KIF1B: variants seen among roughly 807,000 people sequenced by gnomAD.
The protein encoded by KIF1B is kinesin family member 1B.
A neutral mutation model predicts 241.9 loss-of-function variants in KIF1B; 76 were observed. The ratio of observed to expected loss-of-function variants is 0.31; its 90% CI spans 0.26 to 0.38. KIF1B has a LOEUF of 0.38. KIF1B is among the 10% of genes least tolerant of loss of function. The pLI, the probability that KIF1B is intolerant of heterozygous loss-of-function variation, is 1.00. For synonymous variants in KIF1B, 750 were observed against 796.7 expected (o/e 0.94, Z 0.99); for missense variants, 1,622 against 2,271.4 (o/e 0.71, Z 5.81).
chr1:10,374,189 A>G lies in KIF1B; in HGVS notation c.4947-127A>G. 4.1e-6 allele frequency: 4 copies of G among 972,996 alleles called. No homozygotes were observed. The highest frequency in any genetic ancestry group is 6.6e-6 in the Non-Finnish European group (4 of 606,454). The allele number at this position is 972,996 out of a possible 1,614,324, so 60.3% of individuals were successfully genotyped here. A position where few individuals can be genotyped will look rare whatever the true frequency, so the allele number is the denominator to read the frequency against. Reference sequence around the variant, plus strand: ...TTGTCTCCTCAGCTGAGCTCTCTGCAACTCAAGTTTGCAGCTGGGGTTTAG... The same window carrying G: ...TTGTCTCCTCAGCTGAGCTCTCTGCGACTCAAGTTTGCAGCTGGGGTTTAG... On this transcript the variant is annotated intron_variant, in intron 45 of 48. Coordinates refer to ENST00000676179, the MANE Select transcript of KIF1B (RefSeq NM_001365951.3). The surrounding 1 kb of genome is among the most constrained non-coding windows in gnomAD (Gnocchi z 4.3).
At chr1:10,376,508 A>G in intron 48 of KIF1B, 37 bp from the exon 49 acceptor site, 1 of 1,609,332 alleles carries the variant, frequency 6.2e-7, no homozygotes, top group Non-Finnish European at 8.5e-7. Flanking sequence ...ACTTGTACCC[A>G]GACTTCTAAT....
At chr1:10,237,148 C>G (rs930101309) in intron 2 of KIF1B, among the ~76,000 whole-genome samples, 1 of 152,150 alleles carries the variant, frequency 6.6e-6, no homozygotes, top group Non-Finnish European at 1.5e-5. Context: ...GAAATATTCT[C>G]CATGGCACAA....
Position 10,261,940 on chromosome 1 carries a change from CT to C in KIF1B, c.400del (p.Cys134ValfsTer9). ...EELFEKINDN[C>X]NEEMSYSVEV... is the part of the protein sequence containing the mutation. ...AACTTTTTGAGAAAATCAATGACAA[CT>C]GTAATGAAGAAATGTCTTACTCTGT... On this transcript the variant is annotated frameshift_variant, in exon 5 of 49. Coordinates refer to ENST00000676179, the MANE Select transcript of KIF1B (RefSeq NM_001365951.3). LOFTEE classifies it high-confidence loss of function. 6.2e-7 allele frequency: 1 copy of C among 1,612,132 alleles called. No homozygotes were observed. The highest frequency in any genetic ancestry group is 2.2e-5 in the East Asian group (1 of 44,874).
chr1:10,227,051 T>A (rs1459345436), intron 1 of KIF1B, among the ~76,000 whole-genome samples: 1 of 136,854 alleles, frequency 7.3e-6, no homozygotes, highest in Non-Finnish European at 1.6e-5. Flanking sequence ...TTTTTTTTTT[T>A]TTTGAGATGA....
chr1:10,241,509 G>A (rs1353856696), intron 2 of KIF1B, among the ~76,000 whole-genome samples: 1 of 152,028 alleles, frequency 6.6e-6, no homozygotes, highest in Non-Finnish European at 1.5e-5. Context: ...TTGTGTATTC[G>A]GAGTTTCTTT....
At chr1:10,312,024 G>A (rs1651089077) in intron 22 of KIF1B, among the ~76,000 whole-genome samples, 1 of 151,280 alleles carries the variant, frequency 6.6e-6, no homozygotes, top group Non-Finnish European at 1.5e-5. Flanking sequence ...CAGTCCCAGG[G>A]AGTCATTCTG....
At position 10,296,623 on chromosome 1, in the gene KIF1B, G is replaced by A. The variant is rs1056495059; in HGVS notation, c.1819G>A (p.Val607Ile). Residue 607 changes from valine (V) to isoleucine (I), a missense_variant, in exon 20 of 49, where the codon GTA becomes ATA. Physicochemically the swap from Val to Ile is conservative, Grantham distance 29 (BLOSUM62 3). Transcript: ENST00000676179. Reference sequence around the variant, plus strand: ...GCCCTGTGAGCGCTCAGAAACCTACGTAAATGGCAAGAGGGTGTCCCAGCC... The same window carrying A: ...GCCCTGTGAGCGCTCAGAAACCTACATAAATGGCAAGAGGGTGTCCCAGCC... Reference protein sequence around the residue: ...LEPCERSETYVNGKRVSQPVQ... With the variant: ...LEPCERSETYINGKRVSQPVQ... 2.5e-6 allele frequency: 4 copies of A among 1,613,978 alleles called. No individual in the cohort carries two copies. Among genetic ancestry groups the A allele is most frequent in the Admixed American group, 3.3e-5 (2 of 60,010 alleles).
chr1:10,377,404 C>T lies in KIF1B; in HGVS notation c.*817C>T, dbSNP rs921065702. 4.4e-5 allele frequency: 10 copies of T among 227,292 alleles called. No homozygotes were observed. The Admixed American group carries it at 4.6e-4, about 10-fold the overall frequency. 14.1% of individuals were successfully genotyped at this position (227,292 alleles called of 1,614,324 possible). A position where few individuals can be genotyped will look rare whatever the true frequency, so the allele number is the denominator to read the frequency against. ...ACTTCAGGGGACCCCAGGGTTTGGCCGTGGGCCGTGATGGCAGCAGGCGGT... is the reference window on the plus strand; with the variant it reads ...ACTTCAGGGGACCCCAGGGTTTGGCTGTGGGCCGTGATGGCAGCAGGCGGT... On this transcript the variant is annotated 3_prime_UTR_variant, in exon 49 of 49. Transcript: ENST00000676179.
At chr1:10,339,910 C>T (rs376812467) in intron 32 of KIF1B, 51 bp downstream of exon 32, 41 of 1,455,446 alleles carry the variant, frequency 2.8e-5, no homozygotes, top group Non-Finnish European at 3.7e-5. Flanking sequence ...GGTACCTTGG[C>T]TTTCTCAGCC....
intron 37 of KIF1B, among the ~76,000 whole-genome samples, chr1:10,351,172 T>C (rs1253458619): frequency 6.6e-6 from 1 of 151,948 alleles, no homozygotes; most frequent in East Asian, 1.9e-4. Flanking sequence ...ATAATAAATT[T>C]TTCTTTTTTT....
At chr1:10,332,501 A>ATTTTTTTTTT (rs568393252) in intron 27 of KIF1B, among the ~76,000 whole-genome samples, 5 of 58,690 alleles carry the variant, frequency 8.5e-5, no homozygotes, top group Admixed American at 5.9e-4. Flanking sequence ...GATAATAGTC[A>ATTTTTTTTTT]TTTTTTTTTT....
chr1:10,226,281 C>T (rs1244361565), intron 1 of KIF1B, among the ~76,000 whole-genome samples: 5 of 152,202 alleles, frequency 3.3e-5, no homozygotes, highest in East Asian at 1.9e-4. Flanking sequence ...ATAGAGGTTT[C>T]GGCTTTAGTT....
intron 1 of KIF1B, among the ~76,000 whole-genome samples, chr1:10,229,103 C>G (rs1646945807): frequency 6.6e-6 from 1 of 152,106 alleles, no homozygotes; most frequent in Non-Finnish European, 1.5e-5. Context: ...CATTCATTCT[C>G]TTGGCATAGT....
At chr1:10,316,280 T>A (rs1651302144) in intron 22 of KIF1B, among the ~76,000 whole-genome samples, 1 of 151,426 alleles carries the variant, frequency 6.6e-6, no homozygotes, top group Non-Finnish European at 1.5e-5. Context: ...GTGTACTTCC[T>A]GTTGCATCAC....
intron 2 of KIF1B, among the ~76,000 whole-genome samples, chr1:10,236,415 C>T (rs139168928): frequency 9.1e-4 from 139 of 152,310 alleles, no homozygotes; most frequent in African/African-American, 3.0e-3. Flanking sequence ...CTGATTATAA[C>T]ACATTGTTTC....
chr1:10,298,655 A>C (rs1650385340), intron 22 of KIF1B, among the ~76,000 whole-genome samples: 2 of 152,200 alleles, frequency 1.3e-5, no homozygotes, highest in African/African-American at 4.8e-5. Context: ...ACATTCTAAT[A>C]ACATGCCTCT....
Position 10,302,974 on chromosome 1 carries a change from G to A in KIF1B, c.2115+5728G>A, listed in dbSNP as rs192845505. Among the ~76,000 whole-genome samples, 18 of 149,450 alleles carry A rather than the reference G, an allele frequency of 1.2e-4. No individual in the cohort carries two copies. In the East Asian group the frequency reaches 1.4e-3, roughly 11 times the overall value. ...TATATTGATAGAAATGTACATAGGC[G>A]TATGTCTTAATAGACTTCCACATTA... is the stretch of plus-strand genomic sequence containing the variant. On this transcript the variant is annotated intron_variant, in intron 22 of 48. Coordinates refer to ENST00000676179, the MANE Select transcript of KIF1B (RefSeq NM_001365951.3).
intron 45 of KIF1B, among the ~76,000 whole-genome samples, chr1:10,372,415 G>A (rs1248551319): frequency 6.6e-6 from 1 of 151,616 alleles, no homozygotes. Flanking sequence ...ATGCGCCTGC[G>A]GTTCCAGCTA....
intron 38 of KIF1B, among the ~76,000 whole-genome samples, chr1:10,353,048 C>G (rs1239779892): frequency 4.6e-5 from 7 of 152,138 alleles, no homozygotes; most frequent in African/African-American, 1.7e-4. Flanking sequence ...GTATATTCCC[C>G]AAGGATTTAA....
Sources: allele counts gnomAD v4.1 joint callset (sites outside exome capture counted in the v4.1 genomes callset), GRCh38; gene constraint gnomAD v4.1.1; non-coding constraint Gnocchi (gnomAD v3.1); transcripts MANE v1.5; gene names NCBI Gene and HGNC (gene_info 2026-07-23, HGNC 2026-07-21).